ZNF385B: variants seen among roughly 807,000 people sequenced by gnomAD.
ZNF385B encodes the protein zinc finger protein 385B, also known as zinc finger protein 533.
Under a neutral mutation model 39.2 loss-of-function variants are expected in ZNF385B, and 23 were observed. That is an observed-to-expected ratio of 0.59 (90% confidence interval 0.42 to 0.83). The LOEUF is 0.83. Among genes scored for constraint, ZNF385B ranks in the 40% least tolerant of loss-of-function variants. ZNF385B has a pLI of 0.00. For synonymous variants in ZNF385B, 205 were observed against 222.6 expected, an observed-to-expected ratio of 0.92 and a Z score of 0.70; for missense variants, 552 against 598.9, an observed-to-expected ratio of 0.92 and a Z score of 0.82.
At chr2:179,562,476 A>G in intron 3 of ZNF385B, 1 of 985,404 alleles carries the variant, frequency 1.0e-6, no homozygotes, top group Non-Finnish European at 1.2e-6. Flanking sequence ...AAAGTAAATA[A>G]TTCCATCATC....
At chr2:179,760,286 A>C (rs1559169654) in intron 3 of ZNF385B, among the ~76,000 whole-genome samples, 1 of 148,512 alleles carries the variant, frequency 6.7e-6, no homozygotes, top group Non-Finnish European at 1.5e-5. Context: ...TGTATCCCCC[A>C]CCAGGGATCT....
intron 3 of ZNF385B, among the ~76,000 whole-genome samples, chr2:179,593,994 AT>A (rs1470227897): frequency 6.6e-6 from 1 of 151,926 alleles, no homozygotes; most frequent in Admixed American, 6.6e-5. Flanking sequence ...GAGAAAGGGA[AT>A]AGGGGAGGGA....
At chr2:179,681,463 A>G (rs1650423446) in intron 3 of ZNF385B, among the ~76,000 whole-genome samples, 1 of 152,220 alleles carries the variant, frequency 6.6e-6, no homozygotes, top group South Asian at 2.1e-4. Context: ...CACAATAAGA[A>G]GTATGAAAGA....
At chr2:179,581,197 C>T (rs1316607471) in intron 3 of ZNF385B, among the ~76,000 whole-genome samples, 2 of 152,160 alleles carry the variant, frequency 1.3e-5, no homozygotes, top group Non-Finnish European at 2.9e-5. Context: ...GAATTTACAA[C>T]TGTGCAACAA....
At chr2:179,653,789 G>C (rs540885759) in intron 3 of ZNF385B, among the ~76,000 whole-genome samples, 1 of 152,186 alleles carries the variant, frequency 6.6e-6, no homozygotes, top group Non-Finnish European at 1.5e-5. Context: ...GCAGTGACAA[G>C]TGTTCACTCA....
At chr2:179,526,282 G>A (rs921388291) in intron 4 of ZNF385B, among the ~76,000 whole-genome samples, 7 of 151,896 alleles carry the variant, frequency 4.6e-5, no homozygotes, top group African/African-American at 1.7e-4. Context: ...TTTCAATTCA[G>A]AAGGCTCATT....
intron 4 of ZNF385B, among the ~76,000 whole-genome samples, chr2:179,533,871 T>C (rs1237867113): frequency 1.3e-5 from 2 of 152,212 alleles, no homozygotes; most frequent in East Asian, 3.8e-4. Context: ...TACTACTCTA[T>C]GACAATGTAT....
chr2:179,446,535 T>A lies in ZNF385B; in HGVS notation c.951A>T (p.Ala317=), dbSNP rs748244807. The change falls in exon 7 of 10, where the codon GCA becomes GCT. Residue 317 remains alanine, a synonymous_variant. Transcript: ENST00000410066. Reference sequence around the variant, plus strand: ...AAGATAGCTGCTAACCTGTGTTGTGTGCCTCTAGCTGTGACAGGGAGTTCA... The same window carrying A: ...AAGATAGCTGCTAACCTGTGTTGTGAGCCTCTAGCTGTGACAGGGAGTTCA... ...VAVNSLSQLE[A]HNTGSKHKTM... 6.2e-7 allele frequency: 1 copy of A among 1,613,632 alleles called. No homozygotes were observed. The highest frequency in any genetic ancestry group is 1.7e-5 in the Admixed American group (1 of 59,962).
At chr2:179,740,495 A>G (rs1043085644) in intron 3 of ZNF385B, among the ~76,000 whole-genome samples, 2 of 152,328 alleles carry the variant, frequency 1.3e-5, no homozygotes, top group Admixed American at 6.5e-5. Context: ...AATTAAAAGA[A>G]ATAGAATTCT....
At chr2:179,849,456 G>GCATAATAGCTGGTTTTCTCTT (rs1708966414) in intron 1 of ZNF385B, among the ~76,000 whole-genome samples, 1 of 152,186 alleles carries the variant, frequency 6.6e-6, no homozygotes, top group Admixed American at 6.5e-5. Flanking sequence ...TGAAGGAGTT[G>GCATAATAGCTGGTTTTCTCTT]CATAATAGCT....
rs371640824 is a variant in ZNF385B, at chr2:179,769,783, G to A, written c.18C>T (p.Ser6=). Residue 6 remains serine, a synonymous_variant, in exon 3 of 10, where the codon AGC becomes AGT. Coordinates refer to ENST00000410066, the MANE Select transcript of ZNF385B (RefSeq NM_152520.6). MRYSL[S]PDNHLEDGIM... ...TTCCATCTTCAAGATGGTTGTCAGG[G>A]CTTAAGGAGTACCTCATGCCTGAAA... 1 of 1,611,650 alleles carries A rather than the reference G, an allele frequency of 6.2e-7. No individual in the cohort carries two copies. The highest frequency in any genetic ancestry group is 1.3e-5 in the African/African-American group (1 of 74,714).
chr2:179,522,558 G>C (rs1407876630), intron 4 of ZNF385B, among the ~76,000 whole-genome samples: 1 of 152,070 alleles, frequency 6.6e-6, no homozygotes, highest in Non-Finnish European at 1.5e-5. Context: ...TTCATGTGTA[G>C]ACTACTCAAA....
chr2:179,688,413 C>T (rs1051593124), intron 3 of ZNF385B, among the ~76,000 whole-genome samples: 1 of 152,060 alleles, frequency 6.6e-6, no homozygotes, highest in African/African-American at 2.4e-5. Context: ...GCGAGAGGAT[C>T]TCTTGAGCCC....
At chr2:179,696,326 C>CTTTTTTTTTTTGTTTTTTTT (rs1698748121) in intron 3 of ZNF385B, among the ~76,000 whole-genome samples, 1 of 40,354 alleles carries the variant, frequency 2.5e-5, no homozygotes, top group Non-Finnish European at 4.1e-5. Context: ...CAAACTGGGA[C>CTTTTTTTTTTTGTTTTTTTT]TTTTTTTTTT....
At chr2:179,845,761 C>A (rs1471295870) in intron 1 of ZNF385B, among the ~76,000 whole-genome samples, 2 of 152,142 alleles carry the variant, frequency 1.3e-5, no homozygotes, top group Admixed American at 6.5e-5. Flanking sequence ...AATGCAAGAA[C>A]AAAATCATCC....
chr2:179,479,637 G>A (rs1574353495), intron 6 of ZNF385B, among the ~76,000 whole-genome samples: 1 of 151,904 alleles, frequency 6.6e-6, no homozygotes, highest in East Asian at 1.9e-4. Flanking sequence ...GTCAGGAGTT[G>A]AAGACCAGCC....
At chr2:179,445,928 C>T (rs115684910) in intron 7 of ZNF385B, among the ~76,000 whole-genome samples, 200 bp from the exon 8 acceptor site, 76 of 151,930 alleles carry the variant, frequency 5.0e-4, no homozygotes, top group Non-Finnish European at 6.6e-4. Context: ...AGAAAATATA[C>T]AGAAACATAA....
rs1306163213 is a variant in ZNF385B, at chr2:179,769,607, T to C, written c.194A>G (p.Gln65Arg). 2.5e-6 allele frequency: 4 copies of C among 1,614,090 alleles called. No homozygotes were observed. The highest frequency in any genetic ancestry group is 3.4e-6 in the Non-Finnish European group (4 of 1,180,044). The change falls in exon 3 of 10, where the codon CAG becomes CGG. Residue 65 changes from glutamine (Q) to arginine (R), a missense_variant. Gln to Arg is a conservative substitution (Grantham distance 43). Transcript: ENST00000410066. Reference protein sequence around the residue: ...NIQLNSAAQAQVHSNGKSHRK... With the variant: ...NIQLNSAAQARVHSNGKSHRK... ...GTGGGATTTGCCGTTGGAATGCACC[T>C]GAGCCTGGGCTGCAGAGTTCAGCTG... is the stretch of plus-strand genomic sequence containing the variant.
At chr2:179,845,967 G>A (rs1414465493) in intron 1 of ZNF385B, among the ~76,000 whole-genome samples, 2 of 152,130 alleles carry the variant, frequency 1.3e-5, no homozygotes, top group African/African-American at 4.8e-5. Context: ...AAGATAAAGG[G>A]GACGTTTCAG....
Sources: allele counts gnomAD v4.1 joint callset (sites outside exome capture counted in the v4.1 genomes callset), GRCh38; gene constraint gnomAD v4.1.1; transcripts MANE v1.5; gene names NCBI Gene and HGNC (gene_info 2026-07-23, HGNC 2026-07-21).